KCNK2: variants seen among roughly 807,000 people sequenced by gnomAD.
KCNK2 encodes the protein potassium channel subfamily K member 2.
KCNK2 carries 21 observed loss-of-function variants against 40.5 expected under a neutral mutation model. The observed-to-expected ratio is 0.52, with a 90% CI of 0.37 to 0.75. The LOEUF is 0.75. KCNK2 is among the 30% of genes least tolerant of loss of function. The pLI is 0.00. For missense variants in KCNK2, 399 were observed against 531.6 expected, an observed-to-expected ratio of 0.75 and a Z score of 2.45; for synonymous variants, 191 against 202.2, an observed-to-expected ratio of 0.94 and a Z score of 0.47.
intron 2 of KCNK2, among the ~76,000 whole-genome samples, chr1:215,090,946 A>G (rs192127136): frequency 6.6e-6 from 1 of 152,180 alleles, no homozygotes; most frequent in East Asian, 1.9e-4. Context: ...CAATGTGTTT[A>G]CCTCAATGGT....
At chr1:215,207,336 G>A (rs900705941) in intron 6 of KCNK2, among the ~76,000 whole-genome samples, 2 of 152,118 alleles carry the variant, frequency 1.3e-5, no homozygotes, top group Non-Finnish European at 2.9e-5. Flanking sequence ...GACCTATGCT[G>A]CACACTCCCT....
intron 5 of KCNK2, among the ~76,000 whole-genome samples, chr1:215,174,662 A>C (rs1663871860): frequency 6.6e-6 from 1 of 152,148 alleles, no homozygotes; most frequent in African/African-American, 2.4e-5. Flanking sequence ...AGTGGTTTGT[A>C]GTTCTCCTTG....
rs71762246 is a variant in KCNK2, at chr1:215,236,056, CT to C, written c.*912del. ...AGGCAGAAGAAGAAAATCTATCTAT[CT>C]ATCTATCTATCTATCTATCTATCTA... On this transcript the variant is annotated 3_prime_UTR_variant, in exon 7 of 7. Coordinates refer to ENST00000444842, the MANE Select transcript of KCNK2 (RefSeq NM_001017425.3). The C allele has an allele frequency of 0.032, 1,275 of 39,276 alleles. 5 individuals are homozygous for C. Among genetic ancestry groups the C allele is most frequent in the Non-Finnish European group, 0.057 (899 of 15,652 alleles). The allele number at this position is 39,276 out of a possible 1,614,324, so 2.4% of individuals were successfully genotyped here. A position where few individuals can be genotyped will look rare whatever the true frequency, so the allele number is the denominator to read the frequency against.
chr1:215,065,336 A>G (rs1173654290), intron 1 of KCNK2, among the ~76,000 whole-genome samples: 3 of 152,178 alleles, frequency 2.0e-5, no homozygotes, highest in Non-Finnish European at 4.4e-5. Context: ...AGTTACAGAG[A>G]AATTTATATG....
At chr1:215,044,018 A>C (rs1657655956) in intron 1 of KCNK2, among the ~76,000 whole-genome samples, 1 of 152,188 alleles carries the variant, frequency 6.6e-6, no homozygotes, top group Admixed American at 6.5e-5. Context: ...GATCAAACAA[A>C]GATAACAAAT....
chr1:215,030,928 G>A (rs1282267727), intron 1 of KCNK2, among the ~76,000 whole-genome samples: 2 of 152,062 alleles, frequency 1.3e-5, no homozygotes, highest in African/African-American at 4.8e-5. Flanking sequence ...TATGAAGGAT[G>A]TAAGATCTGC....
chr1:215,021,415 G>A (rs1405973812), intron 1 of KCNK2, among the ~76,000 whole-genome samples: 1 of 51,824 alleles, frequency 1.9e-5, no homozygotes, highest in Admixed American at 1.9e-4. Context: ...GGTGGGCTGA[G>A]TAAGGAAGAT....
rs1176298443 is a variant in KCNK2, at chr1:215,235,667, C to A, written c.*522C>A. 6.5e-6 allele frequency: 1 copy of A among 153,012 alleles called. No homozygotes were observed. Among genetic ancestry groups the A allele is most frequent in the Non-Finnish European group, 1.5e-5 (1 of 68,348 alleles). 9.5% of individuals were successfully genotyped at this position (153,012 alleles called of 1,614,324 possible). The stretch of plus-strand genomic sequence containing the variant: ...AACCTCTCTAGCTAATGTGTGGTTT[C>A]TCCTTCCCTGCCCCCACCCCTAGGC... On this transcript the variant is annotated 3_prime_UTR_variant, in exon 7 of 7. Transcript: ENST00000444842.
chr1:215,051,942 C>A (rs1388067308), intron 1 of KCNK2, among the ~76,000 whole-genome samples: 1 of 152,104 alleles, frequency 6.6e-6, no homozygotes, highest in Non-Finnish European at 1.5e-5. Context: ...TGCTCACCTG[C>A]AAACAGATAA....
chr1:215,089,231 G>A (rs935567577), intron 2 of KCNK2, among the ~76,000 whole-genome samples: 4 of 152,140 alleles, frequency 2.6e-5, no homozygotes, highest in Non-Finnish European at 4.4e-5. Flanking sequence ...GGATTAGATA[G>A]CATCATTCGG....
At chr1:215,065,132 A>G (rs534958021) in intron 1 of KCNK2, among the ~76,000 whole-genome samples, 1 of 152,336 alleles carries the variant, frequency 6.6e-6, no homozygotes, top group South Asian at 2.1e-4. Context: ...ATCTATCTAA[A>G]TACTTTCAGA....
intron 5 of KCNK2, among the ~76,000 whole-genome samples, chr1:215,184,053 A>G (rs1664330400): frequency 6.6e-6 from 1 of 152,172 alleles, no homozygotes; most frequent in Non-Finnish European, 1.5e-5. Flanking sequence ...GGACATCTAC[A>G]GTCTAGATGT....
chr1:215,179,064 T>G (rs1664113612), intron 5 of KCNK2, among the ~76,000 whole-genome samples: 1 of 152,086 alleles, frequency 6.6e-6, no homozygotes, highest in Non-Finnish European at 1.5e-5. Context: ...TTTTAATTTC[T>G]TTCTGATTCA....
chr1:215,055,104 A>T lies in KCNK2; in HGVS notation c.35-31264A>T, dbSNP rs371715223. Among the ~76,000 whole-genome samples, 5 of 152,210 alleles carry T rather than the reference A, an allele frequency of 3.3e-5. No individual in the cohort carries two copies. The East Asian group carries it at 9.6e-4, about 29-fold the overall frequency. On this transcript the variant is annotated intron_variant, in intron 1 of 6. Transcript: ENST00000391895. Reference sequence around the variant, plus strand: ...ATACATGGAAACTGTGAAAGTTTTGACCTTGAATAACTAGTTTGTGTTATT... The same window carrying T: ...ATACATGGAAACTGTGAAAGTTTTGTCCTTGAATAACTAGTTTGTGTTATT...
At chr1:215,177,722 G>GTATATATATATA (rs1553270861) in intron 5 of KCNK2, among the ~76,000 whole-genome samples, 2 of 116,252 alleles carry the variant, frequency 1.7e-5, no homozygotes, top group South Asian at 2.6e-4. Flanking sequence ...ATATATATGT[G>GTATATATATATA]TATATATATA....
At chr1:215,233,553 C>G (rs1478211742) in intron 6 of KCNK2, among the ~76,000 whole-genome samples, 4 of 151,980 alleles carry the variant, frequency 2.6e-5, no homozygotes, top group African/African-American at 9.7e-5. Context: ...CTATCCCCTC[C>G]AATAATTCAG....
chr1:215,015,786 T>C (rs1201156636), intron 1 of KCNK2, among the ~76,000 whole-genome samples: 1 of 152,134 alleles, frequency 6.6e-6, no homozygotes, highest in East Asian at 1.9e-4. Flanking sequence ...GGGGAACAAG[T>C]AAATGCAAAG....
intron 1 of KCNK2, among the ~76,000 whole-genome samples, chr1:215,017,524 G>A (rs1002613847): frequency 6.6e-6 from 1 of 152,056 alleles, no homozygotes; most frequent in African/African-American, 2.4e-5. Context: ...ACTTATATGT[G>A]GAATCTCAAA....
At chr1:215,092,004 A>G (rs1159710329) in intron 2 of KCNK2, among the ~76,000 whole-genome samples, 2 of 152,110 alleles carry the variant, frequency 1.3e-5, no homozygotes, top group African/African-American at 4.8e-5. Flanking sequence ...TTTGGTGCAG[A>G]TAAGTATCCA....
Sources: gnomAD v4.1 joint callset for allele counts (sites outside exome capture counted in the v4.1 genomes callset) on GRCh38, gnomAD v4.1.1 for gene constraint, MANE v1.5 for transcripts, NCBI Gene and HGNC (gene_info 2026-07-23, HGNC 2026-07-21) for gene names.